The following DTWD1 variants were observed in gnomAD, a reference collection of about 807,000 sequenced individuals.
The protein encoded by DTWD1 is DTW motif tRNA-uridine aminocarboxypropyltransferase 1, also known as tRNA-uridine aminocarboxypropyltransferase 1.
In DTWD1, 27 loss-of-function variants were observed where a neutral mutation model predicts 30.2. The observed-to-expected ratio is 0.90, with a 90% CI of 0.66 to 1.23. DTWD1 has a LOEUF of 1.23. DTWD1 is among the 50% of genes most tolerant of loss of function. The probability of loss-of-function intolerance (pLI) is 0.00; values close to 1 mark genes in which losing one functional copy is unlikely to be tolerated. For missense variants in DTWD1, 342 were observed against 348.8 expected (o/e 0.98, Z 0.15); for synonymous variants, 99 against 113.1 (o/e 0.88, Z 0.79).
chr15:49,623,218 C>T (rs1355382499), intron 1 of DTWD1, among the ~76,000 whole-genome samples: 1 of 152,182 alleles, frequency 6.6e-6, no homozygotes, highest in Non-Finnish European at 1.5e-5. Flanking sequence ...CTACTCCAAT[C>T]AAATTTCATT....
intron 3 of DTWD1, chr15:49,633,603 G>A (rs180974740): frequency 5.6e-4 from 157 of 281,942 alleles, no homozygotes; most frequent in African/African-American, 2.8e-3. Context: ...CCAAAGTGCC[G>A]GGATTACAGG....
chr15:49,643,756 CAG>C lies in DTWD1; in HGVS notation c.*182_*183del. On this transcript the variant is annotated 3_prime_UTR_variant, in exon 5 of 5. Coordinates refer to ENST00000403028, the MANE Select transcript of DTWD1 (RefSeq NM_001144955.2). ...GGAAATTGTATCTGGGGGAATTTTT[CAG>C]AGATACTGTTGATTGAAAAACTTAC... is the stretch of plus-strand genomic sequence containing the variant. The C allele has an allele frequency of 1.6e-6, 1 of 611,258 alleles. No homozygotes were observed. The highest frequency in any genetic ancestry group is 2.5e-6 in the Non-Finnish European group (1 of 408,116). The allele number at this position is 611,258 out of a possible 1,614,324, so 37.9% of individuals were successfully genotyped here.
At position 49,625,451 on chromosome 15, in the gene DTWD1, G is replaced by A. The variant is rs2078829775; in HGVS notation, c.264+20G>A. 1.3e-6 allele frequency: 2 copies of A among 1,592,288 alleles called. No homozygotes were observed. Among genetic ancestry groups the A allele is most frequent in the Admixed American group, 1.8e-5 (1 of 56,774 alleles). Reference sequence around the variant, plus strand: ...GTGAAGGTTAGTAAGAAATTTAATTGTTTGAAAGTATGAAAATAGATTTTT... The same window carrying A: ...GTGAAGGTTAGTAAGAAATTTAATTATTTGAAAGTATGAAAATAGATTTTT... On this transcript the variant is annotated intron_variant, in intron 2 of 4. Coordinates refer to ENST00000403028, the MANE Select transcript of DTWD1 (RefSeq NM_001144955.2).
At position 49,648,862 on chromosome 15, in the gene DTWD1, T is replaced by C. The variant is rs1216480190; in HGVS notation, c.*5284T>C. The C allele has an allele frequency of 6.6e-6, 1 of 152,148 alleles. No homozygotes were observed. The highest frequency in any genetic ancestry group is 2.4e-5 in the African/African-American group (1 of 41,446). 9.4% of individuals were successfully genotyped at this position (152,148 alleles called of 1,614,324 possible). ...AACGAGGCCTTATTTTGGCTTTCTT[T>C]CGAAAGGTCATTTCTGACCCCAGCT... On this transcript the variant is annotated 3_prime_UTR_variant, in exon 5 of 5. Coordinates refer to ENST00000403028, the MANE Select transcript of DTWD1 (RefSeq NM_001144955.2).
intron 1 of DTWD1, among the ~76,000 whole-genome samples, chr15:49,624,808 C>T (rs1314625207): frequency 1.3e-5 from 2 of 152,094 alleles, no homozygotes; most frequent in Non-Finnish European, 2.9e-5. Context: ...TGAATATATC[C>T]CTGTCTGATG....
chr15:49,631,070 A>AT (rs761949404), intron 2 of DTWD1: 9 of 401,634 alleles, frequency 2.2e-5, no homozygotes, highest in Non-Finnish European at 4.5e-5. Flanking sequence ...TGAGTTGTAT[A>AT]ATTATTTCAT....
intron 2 of DTWD1, 173 bp from the exon 3 acceptor site, chr15:49,631,986 T>C: frequency 3.0e-6 from 2 of 676,742 alleles, no homozygotes; most frequent in Non-Finnish European, 5.2e-6. Context: ...GGAAGAAATT[T>C]GGGTTGGTTT....
rs1202037686 is a variant in DTWD1 at position 49,644,559 on chromosome 15, A to G, written c.*981A>G. ...TCTCTTGCTTTTGGTTGGGTTCAAC[A>G]AATGGGAAGCACCAGTGGGAGATTA... On this transcript the variant is annotated 3_prime_UTR_variant, in exon 5 of 5. Transcript: ENST00000403028. 2 of 152,236 alleles carry G rather than the reference A, an allele frequency of 1.3e-5. No homozygotes were observed. The highest frequency in any genetic ancestry group is 4.8e-5 in the African/African-American group (2 of 41,436). The allele number at this position is 152,236 out of a possible 1,614,324, so 9.4% of individuals were successfully genotyped here. A position where few individuals can be genotyped will look rare whatever the true frequency, so the allele number is the denominator to read the frequency against.
chr15:49,623,770 T>C (rs1184510617), intron 1 of DTWD1: 1 of 152,140 alleles, frequency 6.6e-6, no homozygotes, highest in Admixed American at 6.6e-5. Flanking sequence ...GAGGGCATGA[T>C]CACAAAGATC....
At chr15:49,631,017 G>T (rs961472186) in intron 2 of DTWD1, 1 of 443,118 alleles carries the variant, frequency 2.3e-6, no homozygotes. Flanking sequence ...CCATCAAGTT[G>T]CAGGAAAACC....
intron 3 of DTWD1, among the ~76,000 whole-genome samples, chr15:49,632,918 T>C (rs2078942242): frequency 6.6e-6 from 1 of 151,982 alleles, no homozygotes; most frequent in Non-Finnish European, 1.5e-5. Flanking sequence ...GAAAGAAGCA[T>C]GTAAAAGCCT....
chr15:49,629,380 A>G (rs1414136685), intron 2 of DTWD1, among the ~76,000 whole-genome samples: 2 of 152,118 alleles, frequency 1.3e-5, no homozygotes, highest in African/African-American at 4.8e-5. Flanking sequence ...ATGATTTATA[A>G]AATTTGTCAA....
At chr15:49,631,258 GTT>G (rs1321935105) in intron 2 of DTWD1, among the ~76,000 whole-genome samples, 1 of 152,106 alleles carries the variant, frequency 6.6e-6, no homozygotes, top group African/African-American at 2.4e-5. Context: ...TTTGAAGACA[GTT>G]TTGTGATATA....
rs969277988 is a variant in DTWD1, at chr15:49,648,769, A to T, written c.*5191A>T. 1.3e-5 allele frequency: 2 copies of T among 152,194 alleles called. No individual in the cohort carries two copies. The highest frequency in any genetic ancestry group is 2.9e-5 in the Non-Finnish European group (2 of 68,026). The allele number at this position is 152,194 out of a possible 1,614,324, so 9.4% of individuals were successfully genotyped here. On this transcript the variant is annotated 3_prime_UTR_variant, in exon 5 of 5. Transcript: ENST00000403028. ...TGCTGTAATGTTTATACCAGCAATT[A>T]GCTGATTGATTTACTATGACCTCAC...
intron 4 of DTWD1, among the ~76,000 whole-genome samples, chr15:49,641,548 G>C (rs2079065101): frequency 6.6e-6 from 1 of 151,986 alleles, no homozygotes; most frequent in Non-Finnish European, 1.5e-5. Flanking sequence ...GATTTGCATA[G>C]ATGTTTACCA....
intron 4 of DTWD1, among the ~76,000 whole-genome samples, chr15:49,637,740 G>A (rs2079019877): frequency 6.6e-6 from 1 of 152,114 alleles, no homozygotes. Context: ...CTTCTCTCAG[G>A]CTAGTGTTAA....
At position 49,643,391 on chromosome 15, in the gene DTWD1, A is replaced by G; in HGVS notation, c.728A>G (p.Lys243Arg). ...KTCFWRHQKG[K>R]PDTFLSTIEA... ...TGCTTTTGGCGCCATCAAAAAGGAA[A>G]GCCAGATACTTTCCTTTCTACAATT... Residue 243 changes from lysine (K) to arginine (R), a missense_variant, in exon 5 of 5, where the codon AAG (lysine) becomes AGG (arginine). Lys to Arg is a conservative substitution (Grantham distance 26). Transcript: ENST00000403028. 1 of 1,588,328 alleles carries G rather than the reference A, an allele frequency of 6.3e-7. No homozygotes were observed. Among genetic ancestry groups the G allele is most frequent in the Non-Finnish European group, 8.5e-7 (1 of 1,170,802 alleles).
rs1409763861 is a variant in DTWD1, at chr15:49,655,670, A to G, written c.*12092A>G. The G allele has an allele frequency of 6.6e-6, 1 of 152,028 alleles. No individual in the cohort carries two copies. The highest frequency in any genetic ancestry group is 1.5e-5 in the Non-Finnish European group (1 of 67,994). 9.4% of individuals were successfully genotyped at this position (152,028 alleles called of 1,614,324 possible). A position where few individuals can be genotyped will look rare whatever the true frequency, so the allele number is the denominator to read the frequency against. Reference sequence around the variant, plus strand: ...GAGGTATAGCTTGAAGTCATTCTAAAGTCTTCACAAAGGATCTTACAGCCT... The same window carrying G: ...GAGGTATAGCTTGAAGTCATTCTAAGGTCTTCACAAAGGATCTTACAGCCT... On this transcript the variant is annotated 3_prime_UTR_variant, in exon 5 of 5. Coordinates refer to ENST00000403028, the MANE Select transcript of DTWD1 (RefSeq NM_001144955.2).
intron 4 of DTWD1, among the ~76,000 whole-genome samples, chr15:49,637,652 A>G (rs898742941): frequency 6.6e-6 from 1 of 152,202 alleles, no homozygotes; most frequent in African/African-American, 2.4e-5. Context: ...TTACTTGTCC[A>G]TGTATGATTA....
Sources: allele counts gnomAD v4.1 joint callset (sites outside exome capture counted in the v4.1 genomes callset), GRCh38; gene constraint gnomAD v4.1.1; transcripts MANE v1.5; gene names NCBI Gene and HGNC (gene_info 2026-07-23, HGNC 2026-07-21).